Variants in CABIN1 observed in about 807,000 individuals in gnomAD.
CABIN1 encodes calcineurin binding protein 1.
In CABIN1, 133 loss-of-function variants were observed where a neutral mutation model predicts 227.7. The observed-to-expected ratio is 0.58, with a 90% CI of 0.51 to 0.67. CABIN1 has a LOEUF of 0.67. Ranked by LOEUF, CABIN1 falls within the 30% of genes least tolerant of loss-of-function variation. The probability of loss-of-function intolerance (pLI) is 0.00; values close to 1 mark genes in which losing one functional copy is unlikely to be tolerated. For synonymous variants in CABIN1, 1,086 were observed against 1,155.1 expected, an observed-to-expected ratio of 0.94 and a Z score of 1.21; for missense variants, 2,408 against 2,852.5, an observed-to-expected ratio of 0.84 and a Z score of 3.55.
chr22:24,098,254 C>T lies in CABIN1; in HGVS notation c.4117+62C>T, dbSNP rs539861774. The T allele has an allele frequency of 5.1e-5, 82 of 1,611,664 alleles. No individual in the cohort carries two copies. In the East Asian group the frequency reaches 8.7e-4, roughly 17 times the overall value. On this transcript the variant is annotated intron_variant, in intron 26 of 36. Transcript: ENST00000263119. Reference sequence around the variant, plus strand: ...GGCACATCAATCACGGGGGGGTGCTCGGACGACTCATTTTGTCGCTTCGTT... The same window carrying T: ...GGCACATCAATCACGGGGGGGTGCTTGGACGACTCATTTTGTCGCTTCGTT...
chr22:24,048,364 T>G (rs1196319442), intron 6 of CABIN1, among the ~76,000 whole-genome samples: 2 of 152,142 alleles, frequency 1.3e-5, no homozygotes, highest in Non-Finnish European at 2.9e-5. Context: ...CAACCTATTG[T>G]GTGGAATTGG....
At chr22:24,127,322 C>CAGGG (rs2043793983) in intron 28 of CABIN1, among the ~76,000 whole-genome samples, 1 of 152,186 alleles carries the variant, frequency 6.6e-6, no homozygotes, top group Non-Finnish European at 1.5e-5. Context: ...ATCAACTCCA[C>CAGGG]AGGGAGGGAA....
intron 12 of CABIN1, 71 bp from the exon 13 acceptor site, chr22:24,061,876 A>G: frequency 9.2e-7 from 1 of 1,086,820 alleles, no homozygotes; most frequent in South Asian, 1.2e-5. Context: ...TTCCTTCCAC[A>G]GCCCCCTACC....
intron 35 of CABIN1, 66 bp downstream of exon 35, chr22:24,176,341 G>A: frequency 1.3e-6 from 2 of 1,531,482 alleles, no homozygotes; most frequent in African/African-American, 1.4e-5. Flanking sequence ...GGCAGCCAGG[G>A]TGGGTTTCCC....
intron 3 of CABIN1, among the ~76,000 whole-genome samples, chr22:24,037,808 T>G (rs2037038307): frequency 6.6e-6 from 1 of 152,194 alleles, no homozygotes; most frequent in South Asian, 2.1e-4. Flanking sequence ...CAGATGCCAG[T>G]TGCAAGCGTT....
chr22:24,063,883 A>T, intron 14 of CABIN1, 152 bp from the exon 15 acceptor site: 1 of 865,870 alleles, frequency 1.2e-6, no homozygotes, highest in South Asian at 1.3e-5. Flanking sequence ...CCCAAGCTAC[A>T]TGCCAGGCCT....
intron 29 of CABIN1, among the ~76,000 whole-genome samples, chr22:24,156,727 C>G (rs2045847302): frequency 6.6e-6 from 1 of 151,768 alleles, no homozygotes; most frequent in African/African-American, 2.4e-5. Context: ...TGCCCCGCAG[C>G]GGAGTGGGAG....
At chr22:24,145,128 C>T (rs966176068) in intron 29 of CABIN1, among the ~76,000 whole-genome samples, 13 of 152,186 alleles carry the variant, frequency 8.5e-5, no homozygotes, top group Admixed American at 7.2e-4. Context: ...GCATGCTATA[C>T]GCAGTGGTGG....
intron 33 of CABIN1, among the ~76,000 whole-genome samples, chr22:24,171,387 C>T (rs2046803253): frequency 6.6e-6 from 1 of 152,200 alleles, no homozygotes; most frequent in Non-Finnish European, 1.5e-5. Context: ...AGGACATAAT[C>T]CTCCCAGACT....
chr22:24,134,281 A>T (rs376219417), intron 28 of CABIN1, 21 bp from the exon 29 acceptor site: 66 of 1,601,388 alleles, frequency 4.1e-5, no homozygotes, highest in Non-Finnish European at 2.9e-5. Context: ...CTCACTTTCA[A>T]CCTACTTCTT....
chr22:24,020,638 C>G (rs564262154), intron 1 of CABIN1, among the ~76,000 whole-genome samples: 3 of 152,280 alleles, frequency 2.0e-5, no homozygotes, highest in African/African-American at 7.2e-5. Flanking sequence ...TTAAATTTCT[C>G]CAACATTTTC....
chr22:24,117,549 G>T (rs575912278), intron 27 of CABIN1, among the ~76,000 whole-genome samples: 5 of 151,764 alleles, frequency 3.3e-5, no homozygotes, highest in African/African-American at 4.8e-5. Flanking sequence ...TTTTTTTGGG[G>T]GGGGGGTTAG....
intron 34 of CABIN1, among the ~76,000 whole-genome samples, chr22:24,174,470 GT>G (rs2046996763): frequency 6.6e-6 from 1 of 152,162 alleles, no homozygotes; most frequent in African/African-American, 2.4e-5. Flanking sequence ...TGGGAGCCCA[GT>G]GCCGTAATCA....
At position 24,178,218 on chromosome 22, in the gene CABIN1, C is replaced by T. The variant is rs1195865052; in HGVS notation, c.*22C>T. On this transcript the variant is annotated 3_prime_UTR_variant, in exon 37 of 37. Coordinates refer to ENST00000263119, the MANE Select transcript of CABIN1 (RefSeq NM_012295.4). Reference sequence around the variant, plus strand: ...TTGAGGGGCCACTGCAGCCCCACCGCCACGCCCCAGGGGACCAGCCAGGCC... The same window carrying T: ...TTGAGGGGCCACTGCAGCCCCACCGTCACGCCCCAGGGGACCAGCCAGGCC... 6.2e-7 allele frequency: 1 copy of T among 1,612,226 alleles called. No homozygotes were observed. The highest frequency in any genetic ancestry group is 1.1e-5 in the South Asian group (1 of 91,058).
chr22:24,163,573 T>C lies in CABIN1; in HGVS notation c.4747-827T>C, dbSNP rs2046277858. 2.0e-5 allele frequency among the ~76,000 whole-genome samples: 3 copies of C among 152,174 alleles called. No homozygotes were observed. In the South Asian group the frequency reaches 6.2e-4, roughly 32 times the overall value. ...TCAGCGTGTTGGCTGCAGGGACCCA[T>C]CTAGGAGCCAGTTCACTTATTCCAG... is the stretch of plus-strand genomic sequence containing the variant. On this transcript the variant is annotated intron_variant, in intron 29 of 36. Coordinates refer to ENST00000263119, the MANE Select transcript of CABIN1 (RefSeq NM_012295.4).
chr22:24,084,290 G>A (rs1285686159), intron 20 of CABIN1, among the ~76,000 whole-genome samples: 2 of 151,214 alleles, frequency 1.3e-5, no homozygotes, highest in East Asian at 3.9e-4. Flanking sequence ...CCAGGCTGGA[G>A]TGCAGTGGTG....
chr22:24,085,169 G>A lies in CABIN1; in HGVS notation c.3263+18G>A. 2 of 1,614,118 alleles carry A rather than the reference G, an allele frequency of 1.2e-6. No individual in the cohort carries two copies. The highest frequency in any genetic ancestry group is 1.7e-6 in the Non-Finnish European group (2 of 1,179,972). On this transcript the variant is annotated intron_variant, in intron 22 of 36. Transcript: ENST00000263119. ...CCCAATAGGTCAGTGACCAGATCATGAGGCTAGGCTGGCTGCAGGGATGAC... is the reference window on the plus strand; with the variant it reads ...CCCAATAGGTCAGTGACCAGATCATAAGGCTAGGCTGGCTGCAGGGATGAC...
chr22:24,035,350 G>A, intron 1 of CABIN1, 94 bp from the exon 2 acceptor site: 2 of 829,246 alleles, frequency 2.4e-6, no homozygotes. Context: ...TCTGCATAGA[G>A]CTCAGGGAAG....
At chr22:24,063,235 T>A in intron 14 of CABIN1, 89 bp downstream of exon 14, 1 of 1,316,702 alleles carries the variant, frequency 7.6e-7, no homozygotes, top group Non-Finnish European at 1.1e-6. Flanking sequence ...TGTGTGTGTG[T>A]ATGTGTGTGT....
Sources: gnomAD v4.1 joint callset for allele counts (sites outside exome capture counted in the v4.1 genomes callset) on GRCh38, gnomAD v4.1.1 for gene constraint, MANE v1.5 for transcripts, NCBI Gene and HGNC (gene_info 2026-07-23, HGNC 2026-07-21) for gene names.